Variants in CMC1 observed in about 807,000 individuals in gnomAD.
CMC1 encodes the protein C-X9-C motif containing 1, also known as COX assembly mitochondrial protein homolog.
In CMC1, 14 loss-of-function variants were observed where a neutral mutation model predicts 14.1. That is an observed-to-expected ratio of 0.99 (90% CI 0.66 to 1.55). The LOEUF (loss-of-function observed/expected upper bound fraction) is 1.55, where lower values mean the gene tolerates loss of function less well. CMC1 is among the 40% of genes most tolerant of loss of function. CMC1 has a pLI of 0.00. For missense variants in CMC1, 127 were observed against 123.8 expected, an observed-to-expected ratio of 1.03 and a Z score of -0.12; for synonymous variants, 50 against 38.4, an observed-to-expected ratio of 1.30 and a Z score of -1.12.
intron 1 of CMC1, among the ~76,000 whole-genome samples, chr3:28,243,096 C>T (rs1468011246): frequency 6.6e-6 from 1 of 152,020 alleles, no homozygotes; most frequent in Non-Finnish European, 1.5e-5. Flanking sequence ...CTCACTGTCG[C>T]CCAGGCTGGA....
chr3:28,282,309 C>T (rs1404458274), intron 2 of CMC1, among the ~76,000 whole-genome samples: 1 of 152,170 alleles, frequency 6.6e-6, no homozygotes, highest in Non-Finnish European at 1.5e-5. Context: ...GTCCCTATCT[C>T]AGATTGCTGT....
chr3:28,308,379 A>G (rs2125593040), intron 2 of CMC1, among the ~76,000 whole-genome samples: 1 of 152,222 alleles, frequency 6.6e-6, no homozygotes, highest in South Asian at 2.1e-4. Flanking sequence ...TTATTTCACT[A>G]TTGCATCCTT....
At chr3:28,293,825 G>A (rs551931309) in intron 2 of CMC1, among the ~76,000 whole-genome samples, 2 of 151,910 alleles carry the variant, frequency 1.3e-5, no homozygotes, top group South Asian at 2.1e-4. Flanking sequence ...CAAGCGATCC[G>A]ACTGCCTCAG....
intron 1 of CMC1, among the ~76,000 whole-genome samples, chr3:28,262,361 A>G (rs1032898061): frequency 1.4e-4 from 21 of 151,892 alleles, no homozygotes; most frequent in Admixed American, 1.2e-3. Flanking sequence ...CTTCTTTCCT[A>G]TATTCTTTTA....
intron 2 of CMC1, among the ~76,000 whole-genome samples, chr3:28,288,498 A>C (rs1160774387): frequency 6.6e-6 from 1 of 152,006 alleles, no homozygotes; most frequent in African/African-American, 2.4e-5. Context: ...TTAAGTGTTA[A>C]ATGTTTCTTT....
chr3:28,247,991 C>G (rs1329836292), intron 1 of CMC1, among the ~76,000 whole-genome samples: 1 of 152,060 alleles, frequency 6.6e-6, no homozygotes, highest in Non-Finnish European at 1.5e-5. Flanking sequence ...GAGAGTTTTC[C>G]TGATTGCCAC....
chr3:28,264,249 G>T (rs1368024794), intron 2 of CMC1, among the ~76,000 whole-genome samples: 1 of 152,126 alleles, frequency 6.6e-6, no homozygotes. Context: ...AGGATGATGG[G>T]CTGCACTTCC....
At chr3:28,290,644 T>C (rs1338784208) in intron 2 of CMC1, among the ~76,000 whole-genome samples, 1 of 152,088 alleles carries the variant, frequency 6.6e-6, no homozygotes, top group East Asian at 1.9e-4. Context: ...GCCCTTTTGG[T>C]TTGTACATTT....
At chr3:28,301,204 C>T (rs1312146583) in intron 2 of CMC1, among the ~76,000 whole-genome samples, 1 of 151,978 alleles carries the variant, frequency 6.6e-6, no homozygotes, top group African/African-American at 2.4e-5. Context: ...TTCATGATTC[C>T]TTACAGATGG....
At chr3:28,286,996 T>C (rs1269387294) in intron 2 of CMC1, among the ~76,000 whole-genome samples, 1 of 152,200 alleles carries the variant, frequency 6.6e-6, no homozygotes, top group East Asian at 1.9e-4. Context: ...ACATCCTTTT[T>C]GTTTGCTTAA....
At chr3:28,302,324 CTGTTTTGTTT>C (rs529199048) in intron 2 of CMC1, among the ~76,000 whole-genome samples, 1 of 152,124 alleles carries the variant, frequency 6.6e-6, no homozygotes, top group African/African-American at 2.4e-5. Flanking sequence ...AAAAGTTTGC[CTGTTTTGTTT>C]TGTTTTGTTT....
At chr3:28,275,519 C>T (rs6798326) in intron 2 of CMC1, among the ~76,000 whole-genome samples, 42 of 151,840 alleles carry the variant, frequency 2.8e-4, no homozygotes, top group African/African-American at 8.5e-4. Flanking sequence ...AGAGGGGCAC[C>T]GACCTGATGC....
chr3:28,322,529 C>T lies in CMC1; in HGVS notation c.*2900C>T, dbSNP rs538570570. ...TTAGAGATCAGATATAATATACAGC[C>T]TATGCAGCCACATGAGAAATAGTTT... On this transcript the variant is annotated 3_prime_UTR_variant, in exon 4 of 4. Transcript: ENST00000466830. The T allele has an allele frequency of 5.9e-5, 9 of 151,640 alleles. No individual in the cohort carries two copies. The East Asian group carries it at 1.6e-3, about 26-fold the overall frequency. 9.4% of individuals were successfully genotyped at this position (151,640 alleles called of 1,614,324 possible).
At chr3:28,302,324 CTGTTT>C (rs529199048) in intron 2 of CMC1, among the ~76,000 whole-genome samples, 13 of 152,242 alleles carry the variant, frequency 8.5e-5, no homozygotes, top group African/African-American at 1.9e-4. Flanking sequence ...AAAAGTTTGC[CTGTTT>C]TGTTTTGTTT....
At chr3:28,241,839 C>G in intron 1 of CMC1, 27 bp downstream of exon 1, 4 of 1,236,414 alleles carry the variant, frequency 3.2e-6, no homozygotes, top group Non-Finnish European at 4.0e-6. Context: ...CGGGGTTTGC[C>G]GAGGGGCCTC....
At chr3:28,251,988 A>G (rs1699156601) in intron 1 of CMC1, among the ~76,000 whole-genome samples, 1 of 152,228 alleles carries the variant, frequency 6.6e-6, no homozygotes, top group Non-Finnish European at 1.5e-5. Context: ...TTGAAGTTTT[A>G]CCAAATAAAG....
chr3:28,305,711 A>G (rs1289285859), intron 2 of CMC1, among the ~76,000 whole-genome samples: 6 of 131,440 alleles, frequency 4.6e-5, no homozygotes, highest in Non-Finnish European at 9.6e-5. Context: ...TTTTTGTTTC[A>G]TTTGCTTTTG....
intron 1 of CMC1, among the ~76,000 whole-genome samples, chr3:28,258,427 T>C (rs1183077053): frequency 6.6e-6 from 1 of 151,636 alleles, no homozygotes; most frequent in Non-Finnish European, 1.5e-5. Flanking sequence ...TACATTAGGC[T>C]TATGATCCAT....
intron 2 of CMC1, among the ~76,000 whole-genome samples, chr3:28,267,139 C>T (rs1700045295): frequency 6.6e-6 from 1 of 152,040 alleles, no homozygotes; most frequent in Admixed American, 6.6e-5. Flanking sequence ...TTTGACTTCA[C>T]TAATTAAATG....
Sources: gnomAD v4.1 joint callset for allele counts (sites outside exome capture counted in the v4.1 genomes callset) on GRCh38, gnomAD v4.1.1 for gene constraint, MANE v1.5 for transcripts, NCBI Gene and HGNC (gene_info 2026-07-23, HGNC 2026-07-21) for gene names.